Variants in INPP4B observed in about 807,000 individuals in gnomAD.
INPP4B encodes inositol polyphosphate 4-phosphatase type II.
INPP4B carries 55 observed loss-of-function variants against 122.5 expected under a neutral mutation model. That is an observed-to-expected ratio of 0.45 (90% CI 0.36 to 0.56). INPP4B has a LOEUF of 0.56. Ranked by LOEUF, INPP4B falls within the 20% of genes least tolerant of loss-of-function variation. INPP4B has a pLI of 0.00. For synonymous variants in INPP4B, 403 were observed against 388.7 expected (o/e 1.04, Z -0.43); for missense variants, 1,000 against 1,097.7 (o/e 0.91, Z 1.26).
At chr4:142,100,092 G>A (rs1198142389) in intron 23 of INPP4B, among the ~76,000 whole-genome samples, 1 of 152,140 alleles carries the variant, frequency 6.6e-6, no homozygotes, top group African/African-American at 2.4e-5. Flanking sequence ...GAGTAGCACA[G>A]GGGTCGATGA....
intron 2 of INPP4B, among the ~76,000 whole-genome samples, chr4:142,667,780 T>A (rs953902996): frequency 5.9e-5 from 9 of 152,116 alleles, no homozygotes; most frequent in African/African-American, 2.2e-4. Flanking sequence ...TCACAGTAGA[T>A]GATTGAATAG....
intron 3 of INPP4B, among the ~76,000 whole-genome samples, chr4:142,441,434 G>A (rs376120537): frequency 1.3e-5 from 2 of 152,082 alleles, no homozygotes; most frequent in African/African-American, 4.8e-5. Context: ...TATCAGGAGA[G>A]AATAAAAGGA....
chr4:142,217,209 C>T (rs1847647963), intron 12 of INPP4B, among the ~76,000 whole-genome samples: 2 of 152,070 alleles, frequency 1.3e-5, no homozygotes, highest in African/African-American at 2.4e-5. Flanking sequence ...AAAATTGTAG[C>T]TCTATTTAAA....
At chr4:142,775,455 T>G (rs977850757) in intron 1 of INPP4B, among the ~76,000 whole-genome samples, 1 of 152,114 alleles carries the variant, frequency 6.6e-6, no homozygotes, top group African/African-American at 2.4e-5. Flanking sequence ...GAGTATCCTT[T>G]TGTATGCTTA....
intron 7 of INPP4B, among the ~76,000 whole-genome samples, chr4:142,314,975 C>T (rs933763590): frequency 6.6e-6 from 1 of 152,148 alleles, no homozygotes; most frequent in Non-Finnish European, 1.5e-5. Flanking sequence ...CCTGGAACCT[C>T]ACTCCATCTA....
At chr4:142,761,051 T>G (rs1286463965) in intron 1 of INPP4B, among the ~76,000 whole-genome samples, 1 of 152,120 alleles carries the variant, frequency 6.6e-6, no homozygotes, top group Non-Finnish European at 1.5e-5. Context: ...TCTTGCAACA[T>G]GAACACATAC....
At chr4:142,794,806 C>G (rs960440994) in intron 1 of INPP4B, among the ~76,000 whole-genome samples, 4 of 151,614 alleles carry the variant, frequency 2.6e-5, no homozygotes, top group African/African-American at 9.7e-5. Context: ...TAAAAAAACC[C>G]CAAAATTTGG....
chr4:142,383,189 T>TAGGA (rs1794798804), intron 7 of INPP4B, among the ~76,000 whole-genome samples: 1 of 152,146 alleles, frequency 6.6e-6, no homozygotes, highest in African/African-American at 2.4e-5. Context: ...CTGAACACTG[T>TAGGA]TACATTTATA....
At chr4:142,632,005 T>C (rs1380509997) in intron 2 of INPP4B, among the ~76,000 whole-genome samples, 1 of 152,170 alleles carries the variant, frequency 6.6e-6, no homozygotes, top group Non-Finnish European at 1.5e-5. Flanking sequence ...AAAGGGTATA[T>C]GTGCTCCAGC....
chr4:142,600,972 G>T (rs1739764399), intron 2 of INPP4B, among the ~76,000 whole-genome samples: 1 of 151,968 alleles, frequency 6.6e-6, no homozygotes, highest in South Asian at 2.1e-4. Context: ...ATAATAAAGA[G>T]ATCAATCTAC....
intron 2 of INPP4B, among the ~76,000 whole-genome samples, chr4:142,601,624 C>T (rs950711714): frequency 1.3e-5 from 2 of 150,126 alleles, no homozygotes; most frequent in Non-Finnish European, 3.0e-5. Flanking sequence ...AATATACAAC[C>T]TAATGATGCA....
At chr4:142,589,166 G>T (rs1050624945) in intron 2 of INPP4B, among the ~76,000 whole-genome samples, 1 of 151,834 alleles carries the variant, frequency 6.6e-6, no homozygotes, top group African/African-American at 2.4e-5. Context: ...CAAGCACAAG[G>T]CTTCCATAAC....
In INPP4B at chr4:142,827,189, A is replaced by G. The variant is rs1581007343; in HGVS notation, c.-254+19020T>C. Among the ~76,000 whole-genome samples, 5 of 152,174 alleles carry G rather than the reference A, an allele frequency of 3.3e-5. No individual in the cohort carries two copies. In the South Asian group the frequency reaches 1.0e-3, roughly 32 times the overall value. Reference sequence around the variant, plus strand: ...ATCCTCTGTGGGAAGAATCTTAAACACACCAGCCAGCCCCATGTTGTCAGC... The same window carrying G: ...ATCCTCTGTGGGAAGAATCTTAAACGCACCAGCCAGCCCCATGTTGTCAGC... On this transcript the variant is annotated intron_variant, in intron 1 of 25. Transcript: ENST00000262992.
At chr4:142,105,840 T>C (rs1786791195) in intron 23 of INPP4B, among the ~76,000 whole-genome samples, 1 of 152,264 alleles carries the variant, frequency 6.6e-6, no homozygotes, top group African/African-American at 2.4e-5. Context: ...AAATAATAGA[T>C]TATATGGATT....
At chr4:142,381,143 A>C (rs1197461307) in intron 7 of INPP4B, among the ~76,000 whole-genome samples, 1 of 152,158 alleles carries the variant, frequency 6.6e-6, no homozygotes, top group Non-Finnish European at 1.5e-5. Flanking sequence ...CTGGATCAAA[A>C]TGTACACTTA....
At chr4:142,722,608 G>T (rs1424533855) in intron 2 of INPP4B, among the ~76,000 whole-genome samples, 1 of 152,032 alleles carries the variant, frequency 6.6e-6, no homozygotes, top group Non-Finnish European at 1.5e-5. Flanking sequence ...TACCATAACA[G>T]CTTCTTTTCA....
At chr4:142,517,316 C>T (rs1228145716) in intron 2 of INPP4B, among the ~76,000 whole-genome samples, 1 of 152,042 alleles carries the variant, frequency 6.6e-6, no homozygotes. Flanking sequence ...AGGGCAGTAA[C>T]AGAGTTATTC....
chr4:142,259,401 C>T (rs1469406466), intron 11 of INPP4B, among the ~76,000 whole-genome samples: 3 of 150,724 alleles, frequency 2.0e-5, no homozygotes, highest in African/African-American at 7.3e-5. Context: ...TCAGATACCA[C>T]AATCAACAAG....
intron 1 of INPP4B, among the ~76,000 whole-genome samples, chr4:142,758,170 G>T (rs1405499514): frequency 6.6e-6 from 1 of 152,128 alleles, no homozygotes; most frequent in Non-Finnish European, 1.5e-5. Flanking sequence ...TAAAAGTGAA[G>T]AATCTTGCAA....
Sources: allele counts gnomAD v4.1 joint callset (sites outside exome capture counted in the v4.1 genomes callset), GRCh38; gene constraint gnomAD v4.1.1; transcripts MANE v1.5; gene names NCBI Gene and HGNC (gene_info 2026-07-23, HGNC 2026-07-21).